CAMSAP1: variants seen among roughly 807,000 people sequenced by gnomAD.
CAMSAP1 encodes calmodulin-regulated spectrin-associated protein 1.
Under a neutral mutation model 143.5 loss-of-function variants are expected in CAMSAP1, and 58 were observed. That is an observed-to-expected ratio of 0.40 (90% CI 0.33 to 0.50). CAMSAP1 has a LOEUF of 0.50. CAMSAP1 is among the 20% of genes least tolerant of loss of function. The probability of loss-of-function intolerance (pLI) is 0.45; values close to 1 mark genes in which losing one functional copy is unlikely to be tolerated. For synonymous variants in CAMSAP1, 945 were observed against 859.3 expected (o/e 1.10, Z -1.74); for missense variants, 1,969 against 2,115.7 (o/e 0.93, Z 1.36).
In CAMSAP1 at chr9:135,822,334, T is replaced by A; in HGVS notation, c.2327A>T (p.Asp776Val). The change falls in exon 11 of 17, where the codon GAC becomes GTC. Residue 776 changes from aspartate to valine, a missense_variant. Around this residue, in one of 4 missense-constraint regions of CAMSAP1, gnomAD observed 1,390 missense variants for 1,420.8 expected, o/e 0.98. Coordinates refer to ENST00000389532, the MANE Select transcript of CAMSAP1 (RefSeq NM_015447.4). This position sits in a 1 kb window ranked among gnomAD's most constrained non-coding sequence, Gnocchi z 6.1. ...GEEESAKLQEDMKVKEHEDKD... is the reference protein window; with the variant it reads ...GEEESAKLQEVMKVKEHEDKD... ...GTCTTCATGTTCCTTCACCTTCATGTCCTCCTGCAGTTTGGCCGACTCTTC... is the reference window on the plus strand; with the variant it reads ...GTCTTCATGTTCCTTCACCTTCATGACCTCCTGCAGTTTGGCCGACTCTTC... 1 of 1,614,000 alleles carries A rather than the reference T, an allele frequency of 6.2e-7. No individual in the cohort carries two copies. The highest frequency in any genetic ancestry group is 8.5e-7 in the Non-Finnish European group (1 of 1,179,902).
intron 5 of CAMSAP1, among the ~76,000 whole-genome samples, chr9:135,854,038 C>T (rs1836868099): frequency 6.6e-6 from 1 of 152,256 alleles, no homozygotes; most frequent in Non-Finnish European, 1.5e-5. Flanking sequence ...CCTCTCATAG[C>T]CTACTCAGTG....
Position 135,823,244 on chromosome 9 carries a change from T to C in CAMSAP1, c.1417A>G (p.Thr473Ala), listed in dbSNP as rs375165988. ...EKKTRPASQP[T>A]PFALHHAASC... The stretch of plus-strand genomic sequence containing the variant: ...GCAGCGTGATGTAGAGCAAAAGGTG[T>C]TGGCTGGGACGCAGGCCTGAAACAC... Residue 473 changes from threonine to alanine, a missense_variant, in exon 11 of 17, where the codon ACA (threonine) becomes GCA (alanine). Thr to Ala is a moderately conservative substitution (Grantham distance 58). Around this residue, in one of 4 missense-constraint regions of CAMSAP1, gnomAD observed 1,390 missense variants for 1,420.8 expected, o/e 0.98. Transcript: ENST00000389532. 1.3e-6 allele frequency: 2 copies of C among 1,553,032 alleles called. No homozygotes were observed. The highest frequency in any genetic ancestry group is 1.7e-6 in the Non-Finnish European group (2 of 1,148,394).
At chr9:135,880,077 T>G (rs1260214091) in intron 3 of CAMSAP1, among the ~76,000 whole-genome samples, 1 of 152,126 alleles carries the variant, frequency 6.6e-6, no homozygotes, top group East Asian at 1.9e-4. Context: ...TCATCCATAG[T>G]TTCTACATTT....
chr9:135,881,930 G>A, intron 2 of CAMSAP1, 136 bp from the exon 3 acceptor site: 2 of 1,070,192 alleles, frequency 1.9e-6, no homozygotes, highest in Middle Eastern at 4.1e-4. Context: ...GAGATACTCA[G>A]ATTTGAGACC....
At chr9:135,836,770 C>T (rs1468831423) in intron 7 of CAMSAP1, 2 of 984,326 alleles carry the variant, frequency 2.0e-6, no homozygotes, top group Non-Finnish European at 1.2e-6. Context: ...TACCTTCTAC[C>T]CTGTTCTACA....
In CAMSAP1 at chr9:135,893,280, AAAG is replaced by A. The variant is rs200017473; in HGVS notation, c.161-10205_161-10203del. On this transcript the variant is annotated intron_variant, in intron 1 of 16. Coordinates refer to ENST00000389532, the MANE Select transcript of CAMSAP1 (RefSeq NM_015447.4). ...GAGAGATGAAAGAAAGAAAAGAAAA[AAAG>A]AAAAAAGGCAGGAAAGGCAGGAAGA... Among the ~76,000 whole-genome samples the A allele has an allele frequency of 6.8e-3, 1,028 of 151,838 alleles. 8 individuals are homozygous for A. The highest frequency in any genetic ancestry group is 0.011 in the Non-Finnish European group (748 of 67,900).
intron 5 of CAMSAP1, among the ~76,000 whole-genome samples, chr9:135,856,449 C>G (rs1456011046): frequency 6.6e-6 from 1 of 152,174 alleles, no homozygotes; most frequent in East Asian, 1.9e-4. Context: ...TATGGGAGTA[C>G]AATTCAAGAA....
intron 3 of CAMSAP1, among the ~76,000 whole-genome samples, chr9:135,871,401 T>A (rs933689457): frequency 3.3e-5 from 5 of 152,170 alleles, no homozygotes; most frequent in Non-Finnish European, 2.9e-5. Context: ...TTGTCGGGGA[T>A]GGTCTTGAAC....
intron 3 of CAMSAP1, among the ~76,000 whole-genome samples, chr9:135,867,902 C>T (rs915944621): frequency 1.3e-5 from 2 of 152,202 alleles, no homozygotes; most frequent in South Asian, 2.1e-4. Context: ...AACCCCAAGA[C>T]GCCTCCCATC....
intron 3 of CAMSAP1, among the ~76,000 whole-genome samples, chr9:135,868,733 C>T (rs755261718): frequency 1.3e-5 from 2 of 150,596 alleles, no homozygotes; most frequent in Admixed American, 1.3e-4. Flanking sequence ...TCTCCTGCGT[C>T]AGCCTCCTGA....
Position 135,811,745 on chromosome 9 carries a change from G to T in CAMSAP1, c.4507-134C>A. On this transcript the variant is annotated intron_variant, in intron 16 of 16. Coordinates refer to ENST00000389532, the MANE Select transcript of CAMSAP1 (RefSeq NM_015447.4). This position sits in a 1 kb window ranked among gnomAD's most constrained non-coding sequence, Gnocchi z 4.9. ...CCCACCCGTCAGCTACGGCCTGCCTGTTGTAAACAATTACAGCAGACCCCT... is the reference window on the plus strand; with the variant it reads ...CCCACCCGTCAGCTACGGCCTGCCTTTTGTAAACAATTACAGCAGACCCCT... 3 of 787,570 alleles carry T rather than the reference G, an allele frequency of 3.8e-6. No individual in the cohort carries two copies. Among genetic ancestry groups the T allele is most frequent in the Non-Finnish European group, 6.1e-6 (3 of 495,806 alleles). The allele number at this position is 787,570 out of a possible 1,614,324, so 48.8% of individuals were successfully genotyped here.
At chr9:135,860,487 A>C (rs1231011079) in intron 5 of CAMSAP1, among the ~76,000 whole-genome samples, 1 of 150,412 alleles carries the variant, frequency 6.6e-6, no homozygotes, top group East Asian at 2.0e-4. Context: ...AATCCCAGCT[A>C]CTCGGGAGGC....
rs974197110 is a variant in CAMSAP1 at position 135,821,448 on chromosome 9, T to C, written c.3213A>G (p.Ala1071=). ...KNNSQDHKVK[A]PVHFVEPLSP... Reference sequence around the variant, plus strand: ...AGAGTGGCTCCACGAAGTGGACTGGTGCCTTCACTTTGTGGTCCTGCGAGT... The same window carrying C: ...AGAGTGGCTCCACGAAGTGGACTGGCGCCTTCACTTTGTGGTCCTGCGAGT... The change falls in exon 11 of 17, where the codon GCA becomes GCG. Residue 1071 remains alanine (A), a synonymous_variant. Coordinates refer to ENST00000389532, the MANE Select transcript of CAMSAP1 (RefSeq NM_015447.4). The surrounding 1 kb of genome is among the most constrained non-coding windows in gnomAD (Gnocchi z 4.6). The C allele has an allele frequency of 1.2e-6, 2 of 1,614,018 alleles. No homozygotes were observed. Among genetic ancestry groups the C allele is most frequent in the African/African-American group, 2.7e-5 (2 of 75,068 alleles).
intron 1 of CAMSAP1, among the ~76,000 whole-genome samples, chr9:135,890,485 C>T (rs944195209): frequency 1.3e-5 from 2 of 152,144 alleles, no homozygotes; most frequent in African/African-American, 2.4e-5. Flanking sequence ...GTGGTAAAGA[C>T]GGCAGGCTGT....
At chr9:135,901,345 T>C (rs1838610433) in intron 1 of CAMSAP1, among the ~76,000 whole-genome samples, 1 of 152,200 alleles carries the variant, frequency 6.6e-6, no homozygotes, top group Non-Finnish European at 1.5e-5. Flanking sequence ...CTCATACCTG[T>C]GATCCCAGCA....
intron 1 of CAMSAP1, among the ~76,000 whole-genome samples, chr9:135,905,855 T>C (rs1477227087): frequency 6.6e-6 from 1 of 152,222 alleles, no homozygotes; most frequent in South Asian, 2.1e-4. Flanking sequence ...GACTCAAGTT[T>C]CATACCTACA....
intron 1 of CAMSAP1, among the ~76,000 whole-genome samples, chr9:135,904,695 G>T (rs534365420): frequency 6.6e-6 from 1 of 152,230 alleles, no homozygotes; most frequent in Non-Finnish European, 1.5e-5. Flanking sequence ...CCAGCCAGGC[G>T]TGGTGGCTCA....
At chr9:135,819,869 A>C (rs1397697485) in intron 11 of CAMSAP1, among the ~76,000 whole-genome samples, 3 of 151,668 alleles carry the variant, frequency 2.0e-5, no homozygotes, top group African/African-American at 7.3e-5. Flanking sequence ...CGAAAAAGTG[A>C]ATACTGAAGT....
At position 135,882,395 on chromosome 9, in the gene CAMSAP1, T is replaced by C. The variant is rs998159862; in HGVS notation, c.423+421A>G. On this transcript the variant is annotated intron_variant, in intron 2 of 16. Transcript: ENST00000389532. This position sits in a 1 kb window ranked among gnomAD's most constrained non-coding sequence, Gnocchi z 4.9. ...GAACGCTCTGGAAAAGGCACACCAG[T>C]AGCAAGGCTTCAGAGAAAGATGGGG... 2.0e-5 allele frequency among the ~76,000 whole-genome samples: 3 copies of C among 151,264 alleles called. No individual in the cohort carries two copies. Among genetic ancestry groups the C allele is most frequent in the Non-Finnish European group, 4.4e-5 (3 of 67,852 alleles).
Sources: gnomAD v4.1 joint callset for allele counts (sites outside exome capture counted in the v4.1 genomes callset) on GRCh38, gnomAD v4.1.1 for gene constraint, gnomAD v4.1.1 regional missense constraint, Gnocchi (gnomAD v3.1) non-coding constraint, MANE v1.5 for transcripts, NCBI Gene and HGNC (gene_info 2026-07-23, HGNC 2026-07-21) for gene names.